The following METTL15 variants were observed in gnomAD, a reference collection of about 807,000 sequenced individuals.
The protein encoded by METTL15 is methyltransferase 15, mitochondrial 12S rRNA N4-cytidine, also known as 12S rRNA N(4)-cytidine methyltransferase METTL15.
In METTL15, 34 loss-of-function variants were observed where a neutral mutation model predicts 38.3. That is an observed-to-expected ratio of 0.89 (90% CI 0.68 to 1.18). METTL15 has a LOEUF of 1.18. Among genes scored for constraint, METTL15 ranks in the 50% most tolerant of loss-of-function variants. The pLI, the probability that METTL15 is intolerant of heterozygous loss-of-function variation, is 0.00. For missense variants in METTL15, 438 were observed against 498.4 expected, an observed-to-expected ratio of 0.88 and a Z score of 1.15; for synonymous variants, 162 against 170.9, an observed-to-expected ratio of 0.95 and a Z score of 0.41.
intron 3 of METTL15, among the ~76,000 whole-genome samples, chr11:28,340,427 C>G (rs1849940064): frequency 6.6e-6 from 1 of 152,124 alleles, no homozygotes; most frequent in African/African-American, 2.4e-5. Flanking sequence ...ATCTATCCAT[C>G]TGGCAAAAGG....
At chr11:28,369,029 C>T in intron 5 of METTL15, among the ~76,000 whole-genome samples, 1 of 152,148 alleles carries the variant, frequency 6.6e-6, no homozygotes, top group Middle Eastern at 3.4e-3. Flanking sequence ...GGAGGGATAA[C>T]ATTAGGAGAA....
chr11:28,477,610 A>G (rs528363886), intron 6 of METTL15: 2 of 152,244 alleles, frequency 1.3e-5, no homozygotes, highest in East Asian at 3.9e-4. Context: ...ACCTCATCCA[A>G]TATAAGGATT....
chr11:28,238,934 C>T (rs1276017149), intron 4 of METTL15, among the ~76,000 whole-genome samples: 1 of 152,178 alleles, frequency 6.6e-6, no homozygotes, highest in Non-Finnish European at 1.5e-5. Context: ...TGACTATTTC[C>T]TATTCCTTCA....
intron 6 of METTL15, chr11:28,328,224 G>C: frequency 6.6e-7 from 1 of 1,517,280 alleles, no homozygotes; most frequent in Non-Finnish European, 9.0e-7. Context: ...TGAGAGACCT[G>C]GTTGTTGGAA....
At chr11:28,344,937 A>T (rs1402912203) in intron 3 of METTL15, among the ~76,000 whole-genome samples, 2 of 152,096 alleles carry the variant, frequency 1.3e-5, no homozygotes, top group African/African-American at 2.4e-5. Context: ...ATATATTCAA[A>T]TTTTTTCACC....
intron 3 of METTL15, among the ~76,000 whole-genome samples, chr11:28,176,164 T>C (rs1851068105): frequency 6.6e-6 from 1 of 152,040 alleles, no homozygotes; most frequent in South Asian, 2.1e-4. Context: ...AAAAGAAATA[T>C]ATTTAGAAAA....
rs540261778 is a variant in METTL15 at position 28,193,139 on chromosome 11, A to T, written c.271-17923A>T. ...AATACAACACTATACTTCTCATTGA[A>T]TTTAGAAGTTTTCCTTCCATGACTC... On this transcript the variant is annotated intron_variant, in intron 3 of 6. Coordinates refer to ENST00000407364, the MANE Select transcript of METTL15 (RefSeq NM_001113528.2). Among the ~76,000 whole-genome samples the T allele has an allele frequency of 9.9e-5, 15 of 152,220 alleles. 2 individuals are homozygous for T. The South Asian group carries it at 3.1e-3, about 32-fold the overall frequency.
chr11:28,320,828 A>G (rs1041996063), intron 6 of METTL15, among the ~76,000 whole-genome samples: 1 of 151,386 alleles, frequency 6.6e-6, no homozygotes, highest in African/African-American at 2.4e-5. Flanking sequence ...TAAAACTAAC[A>G]TTTTTTTTTA....
chr11:28,299,439 T>C (rs1000563705), intron 6 of METTL15, among the ~76,000 whole-genome samples: 2 of 152,142 alleles, frequency 1.3e-5, no homozygotes, highest in African/African-American at 4.8e-5. Context: ...GCAGCTGTCT[T>C]TCCTTTTGCA....
chr11:28,139,137 C>G (rs1431049292), intron 3 of METTL15, among the ~76,000 whole-genome samples: 1 of 152,100 alleles, frequency 6.6e-6, no homozygotes, highest in Non-Finnish European at 1.5e-5. Flanking sequence ...TTAAGCCAAG[C>G]AGTTTAAGGT....
chr11:28,412,998 T>A (rs1358327621), intron 5 of METTL15, among the ~76,000 whole-genome samples: 4 of 152,116 alleles, frequency 2.6e-5, no homozygotes, highest in African/African-American at 9.7e-5. Context: ...TGTATCTATA[T>A]GCATAAAATG....
intron 3 of METTL15, chr11:28,163,297 A>T (rs1012238462): frequency 2.5e-6 from 1 of 397,534 alleles, no homozygotes; most frequent in African/African-American, 2.1e-5. Flanking sequence ...AAAGTATGGC[A>T]TAAATTCTAA....
intron 3 of METTL15, among the ~76,000 whole-genome samples, chr11:28,146,351 T>G (rs12284362): frequency 0.14 from 21,992 of 151,996 alleles, 1,779 homozygotes; most frequent in East Asian, 0.28. Context: ...GCATGAAGCC[T>G]CTAGTGTTCT....
chr11:28,417,131 T>A (rs1850779332), intron 5 of METTL15, among the ~76,000 whole-genome samples: 1 of 152,104 alleles, frequency 6.6e-6, no homozygotes, highest in African/African-American at 2.4e-5. Flanking sequence ...CTTTCTTGAT[T>A]TTTTATATCT....
At chr11:28,295,304 A>AC (rs1856690623) in intron 5 of METTL15, among the ~76,000 whole-genome samples, 1 of 152,130 alleles carries the variant, frequency 6.6e-6, no homozygotes, top group Non-Finnish European at 1.5e-5. Flanking sequence ...TAAAAGTCTT[A>AC]CTCAGTATGA....
chr11:28,119,291 G>GA (rs1445803285), intron 3 of METTL15, among the ~76,000 whole-genome samples: 1 of 152,124 alleles, frequency 6.6e-6, no homozygotes, highest in Non-Finnish European at 1.5e-5. Context: ...TATATCTCTA[G>GA]TGCTTAGCAC....
chr11:28,243,385 G>A (rs1854382730), intron 4 of METTL15, among the ~76,000 whole-genome samples: 1 of 152,096 alleles, frequency 6.6e-6, no homozygotes, highest in African/African-American at 2.4e-5. Context: ...GTAGTCAAAT[G>A]GATAGAATAC....
At chr11:28,240,115 A>C (rs543937601) in intron 4 of METTL15, among the ~76,000 whole-genome samples, 1 of 152,316 alleles carries the variant, frequency 6.6e-6, no homozygotes, top group East Asian at 1.9e-4. Flanking sequence ...ATTGCACTAT[A>C]AATGATGCAG....
intron 4 of METTL15, among the ~76,000 whole-genome samples, chr11:28,275,005 GC>G (rs1203542410): frequency 6.6e-6 from 1 of 151,136 alleles, no homozygotes; most frequent in Non-Finnish European, 1.5e-5. Context: ...GTAATATATG[GC>G]TTACATCAAT....
Sources: allele counts gnomAD v4.1 joint callset (sites outside exome capture counted in the v4.1 genomes callset), GRCh38; gene constraint gnomAD v4.1.1; transcripts MANE v1.5; gene names NCBI Gene and HGNC (gene_info 2026-07-23, HGNC 2026-07-21).